Variants in LTN1 observed in about 807,000 individuals in gnomAD.
LTN1 encodes the protein listerin E3 ubiquitin protein ligase 1.
Under a neutral mutation model 201.2 loss-of-function variants are expected in LTN1, and 88 were observed. The observed-to-expected ratio is 0.44, with a 90% CI of 0.37 to 0.52. The LOEUF (loss-of-function observed/expected upper bound fraction) is 0.52. LTN1 is among the 20% of genes least tolerant of loss of function. The pLI is 0.00. For missense variants in LTN1, 1,752 were observed against 2,038.7 expected (o/e 0.86, Z 2.71); for synonymous variants, 645 against 713.5 (o/e 0.90, Z 1.53).
chr21:28,947,385 G>A, intron 19 of LTN1, 79 bp downstream of exon 19: 1 of 1,150,804 alleles, frequency 8.7e-7, no homozygotes. Context: ...TCTGCTAGAT[G>A]TGGTCTTATA....
chr21:28,934,636 T>C (rs2084239449), intron 27 of LTN1, among the ~76,000 whole-genome samples: 1 of 152,144 alleles, frequency 6.6e-6, no homozygotes, highest in Non-Finnish European at 1.5e-5. Context: ...TATATTTTTT[T>C]AGTAGAGATG....
intron 27 of LTN1, among the ~76,000 whole-genome samples, chr21:28,933,647 C>T (rs952093777): frequency 2.7e-5 from 4 of 149,270 alleles, no homozygotes; most frequent in Non-Finnish European, 4.5e-5. Context: ...ATGCTTTTTG[C>T]TTTTGCAATA....
intron 18 of LTN1, among the ~76,000 whole-genome samples, chr21:28,950,936 G>A (rs565644045): frequency 2.2e-4 from 33 of 152,312 alleles, no homozygotes; most frequent in Middle Eastern, 3.4e-3. Context: ...TATGGATAAC[G>A]CAAGGGATCC....
rs1288173194 is a variant in LTN1, at chr21:28,960,569, G to A, written c.2301C>T (p.Phe767=). ...LESRVSSESH[F]SERWTLLSLV... ...AGCTTAGAAGAGTCCATCTTTCTGA[G>A]AAGTGAGATTCTGAAGATACCCTGG... The change falls in exon 12 of 30, where the codon TTC becomes TTT. Residue 767 remains phenylalanine, a synonymous_variant. Coordinates refer to ENST00000361371, the MANE Select transcript of LTN1 (RefSeq NM_015565.3). 1 of 1,613,860 alleles carries A rather than the reference G, an allele frequency of 6.2e-7. No homozygotes were observed.
At chr21:28,964,756 C>T (rs1267516028) in intron 11 of LTN1, 1 of 1,549,780 alleles carries the variant, frequency 6.5e-7, no homozygotes, top group Admixed American at 2.0e-5. Flanking sequence ...CACTTCACGG[C>T]AGGTACATTC....
intron 11 of LTN1, chr21:28,964,530 A>G: frequency 1.5e-5 from 22 of 1,460,600 alleles, no homozygotes; most frequent in Non-Finnish European, 2.0e-5. Context: ...GCAATCCAAA[A>G]TACTTGTGTA....
At chr21:28,952,114 C>T in intron 18 of LTN1, 46 bp downstream of exon 18, 1 of 1,149,472 alleles carries the variant, frequency 8.7e-7, no homozygotes, top group Non-Finnish European at 1.3e-6. Flanking sequence ...GCCAAAGTGA[C>T]CGATTACAGT....
chr21:28,936,645 A>C lies in LTN1; in HGVS notation c.4535T>G (p.Leu1512Trp). 6.2e-7 allele frequency: 1 copy of C among 1,613,776 alleles called. No individual in the cohort carries two copies. Among genetic ancestry groups the C allele is most frequent in the African/African-American group, 1.3e-5 (1 of 75,054 alleles). Residue 1512 changes from leucine (L) to tryptophan (W), a missense_variant, in exon 26 of 30, where the codon TTG becomes TGG. Leu to Trp is a moderately conservative substitution (Grantham distance 61). Transcript: ENST00000361371. ...YLRKTKSLNKLLYHLFRLMPE... is the reference protein window; with the variant it reads ...YLRKTKSLNKWLYHLFRLMPE... ...CATAAGCCTGAACAGGTGATAGAGC[A>C]ATTTATTCAAACTCTTTGTTTTCCG... is the stretch of plus-strand genomic sequence containing the variant.
chr21:28,965,928 G>C lies in LTN1; in HGVS notation c.2122-22C>G, dbSNP rs542501484. The C allele has an allele frequency of 9.7e-5, 145 of 1,496,188 alleles. 2 individuals are homozygous for C. The South Asian group carries it at 1.7e-3, about 17-fold the overall frequency. 92.7% of individuals were successfully genotyped at this position (1,496,188 alleles called of 1,614,324 possible). ...CCACCTGAAAAAAGAAAAAGAGTTA[G>C]AAACAATCTGCTAGAACAACTTTTT... On this transcript the variant is annotated intron_variant, in intron 10 of 29. Transcript: ENST00000361371.
chr21:28,931,018 C>A, intron 29 of LTN1, 137 bp downstream of exon 29: 2 of 554,500 alleles, frequency 3.6e-6, no homozygotes, highest in Non-Finnish European at 3.1e-6. Flanking sequence ...CCATTAGCTA[C>A]AATTAAGTTT....
chr21:28,970,651 A>G lies in LTN1; in HGVS notation c.1076T>C (p.Ile359Thr), dbSNP rs1180622447. 6.2e-7 allele frequency: 1 copy of G among 1,613,864 alleles called. No homozygotes were observed. The highest frequency in any genetic ancestry group is 8.5e-7 in the Non-Finnish European group (1 of 1,179,772). Residue 359 changes from isoleucine to threonine, a missense_variant, in exon 8 of 30, where the codon ATA becomes ACA. Coordinates refer to ENST00000361371, the MANE Select transcript of LTN1 (RefSeq NM_015565.3). ...REGGRGLATV[I>T]YPYLLPFISK... Reference sequence around the variant, plus strand: ...GATGAATGGCAGAAGGTAAGGATATATGACAGTAGCTAGACCCCGACCACC... The same window carrying G: ...GATGAATGGCAGAAGGTAAGGATATGTGACAGTAGCTAGACCCCGACCACC...
In LTN1 at chr21:28,986,139, A is replaced by G. The variant is rs1402593904; in HGVS notation, c.345T>C (p.Leu115=). 1 of 1,560,096 alleles carries G rather than the reference A, an allele frequency of 6.4e-7. No homozygotes were observed. The highest frequency in any genetic ancestry group is 1.1e-5 in the South Asian group (1 of 89,908). ...YWPRIFCKIS[L]DHDRRVREAT... is the part of the protein sequence containing the mutation. ...AAACTAGCAAAGTTTTAATACTTAC[A>G]AGTGAAATTTTGCAAAAAATTCTTG... Residue 115 remains leucine (L), a splice_region_variant and synonymous_variant, in exon 3 of 30, where the codon CTT becomes CTC. Coordinates refer to ENST00000361371, the MANE Select transcript of LTN1 (RefSeq NM_015565.3). The surrounding 1 kb of genome is among the most constrained non-coding windows in gnomAD (Gnocchi z 4.1).
At chr21:28,979,636 C>T (rs1411311932) in intron 6 of LTN1, among the ~76,000 whole-genome samples, 1 of 152,070 alleles carries the variant, frequency 6.6e-6, no homozygotes, top group Non-Finnish European at 1.5e-5. Context: ...GCCAATTCAC[C>T]TACTTGCTAA....
At position 28,980,553 on chromosome 21, in the gene LTN1, T is replaced by TA. The variant is rs575072417; in HGVS notation, c.810+565dup. Among the ~76,000 whole-genome samples the TA allele has an allele frequency of 7.4e-3, 1,021 of 138,196 alleles. 9 individuals carry two copies. The highest frequency in any genetic ancestry group is 0.026 in the African/African-American group (987 of 37,406). 90.7% of individuals were successfully genotyped at this position (138,196 alleles called of 152,430 possible). ...AAACTTAAAGTATAATAATAATAAT[T>TA]AAAAAAAAGAACTACCAAAAAAAAA... On this transcript the variant is annotated intron_variant, in intron 6 of 29. Coordinates refer to ENST00000361371, the MANE Select transcript of LTN1 (RefSeq NM_015565.3).
intron 6 of LTN1, among the ~76,000 whole-genome samples, chr21:28,974,606 C>T (rs1220984008): frequency 1.3e-5 from 2 of 152,134 alleles, no homozygotes; most frequent in African/African-American, 2.4e-5. Flanking sequence ...AGTAGAAAGA[C>T]TGACATCTTT....
At chr21:28,985,078 T>A (rs559672752) in intron 3 of LTN1, among the ~76,000 whole-genome samples, 156 bp from the exon 4 acceptor site, 1 of 152,366 alleles carries the variant, frequency 6.6e-6, no homozygotes, top group East Asian at 1.9e-4. Flanking sequence ...TGGAGGTTTT[T>A]AAATCAGAAA....
At chr21:28,937,704 C>T (rs986468774) in intron 25 of LTN1, among the ~76,000 whole-genome samples, 1 of 152,078 alleles carries the variant, frequency 6.6e-6, no homozygotes, top group African/African-American at 2.4e-5. Flanking sequence ...TAATCTAAAA[C>T]TTGTTGAGCA....
chr21:28,972,729 GA>G (rs1201084021), intron 6 of LTN1, among the ~76,000 whole-genome samples: 3 of 152,132 alleles, frequency 2.0e-5, no homozygotes, highest in African/African-American at 7.2e-5. Context: ...CAAAACAAGA[GA>G]AGAATGAGGA....
At chr21:28,946,700 A>G (rs1448280257) in intron 19 of LTN1, among the ~76,000 whole-genome samples, 1 of 152,236 alleles carries the variant, frequency 6.6e-6, no homozygotes, top group Non-Finnish European at 1.5e-5. Flanking sequence ...CATTCACTCA[A>G]TAGCAGCTAG....
Sources: allele counts gnomAD v4.1 joint callset (sites outside exome capture counted in the v4.1 genomes callset), GRCh38; gene constraint gnomAD v4.1.1; non-coding constraint Gnocchi (gnomAD v3.1); transcripts MANE v1.5; gene names NCBI Gene and HGNC (gene_info 2026-07-23, HGNC 2026-07-21).